Variants in TRIM39 observed in about 807,000 individuals in gnomAD.
TRIM39 encodes the protein E3 ubiquitin-protein ligase TRIM39.
TRIM39 carries 5 observed loss-of-function variants against 53.6 expected under a neutral mutation model. The observed-to-expected ratio is 0.09, with a 90% CI of 0.05 to 0.20. The LOEUF (loss-of-function observed/expected upper bound fraction) is 0.20, where lower values mean the gene tolerates loss of function less well. TRIM39 is among the 10% of genes least tolerant of loss of function. The pLI, the probability that TRIM39 is intolerant of heterozygous loss-of-function variation, is 1.00. For missense variants in TRIM39, 310 were observed against 621.0 expected (o/e 0.50, Z 5.32); for synonymous variants, 196 against 237.6 (o/e 0.82, Z 1.61).
At chr6:30,340,443 C>T in intron 6 of TRIM39, 62 bp from the exon 7 acceptor site, 5 of 1,609,904 alleles carry the variant, frequency 3.1e-6, no homozygotes, top group Non-Finnish European at 4.2e-6. Context: ...TCTGAATAGT[C>T]ACTTGGCTGG....
intron 5 of TRIM39, among the ~76,000 whole-genome samples, chr6:30,336,942 T>A (rs558320303): frequency 6.6e-6 from 1 of 152,346 alleles, no homozygotes; most frequent in East Asian, 1.9e-4. Flanking sequence ...CCAAATTACT[T>A]CTTGATCCAT....
chr6:30,341,802 G>A, exon 8 of TRIM39: 1 of 1,612,916 alleles, frequency 6.2e-7, no homozygotes, highest in Non-Finnish European at 8.5e-7. Context: ...ACAAGACTCC[G>A]GGATCTCCCT....
At chr6:30,336,555 TTAAAA>T (rs1034845145) in intron 5 of TRIM39, among the ~76,000 whole-genome samples, 4 of 152,248 alleles carry the variant, frequency 2.6e-5, no homozygotes, top group African/African-American at 4.8e-5. Flanking sequence ...TGGTAATTTC[TTAAAA>T]TAAGACAACG....
chr6:30,331,844 C>G, intron 4 of TRIM39, among the ~76,000 whole-genome samples: 1 of 152,208 alleles, frequency 6.6e-6, no homozygotes. Context: ...ATTTTGGTGT[C>G]TGTCTGTCTT....
At position 30,342,071 on chromosome 6, in the gene TRIM39, C is replaced by T; in HGVS notation, c.1279C>T (p.Arg427Trp). ...TTTGCACATCAAGGTGAAACCCAAG[C>T]GGGTAGGCATATTCCTAGACTATGA... Residue 427 changes from arginine (R) to tryptophan (W), a missense_variant, in exon 8 of 8, where the codon CGG (arginine) becomes TGG (tryptophan). By Grantham distance (101) the Arg-to-Trp change is moderately radical (BLOSUM62 -3). This residue lies in a region of TRIM39 where 75 missense variants were observed against 244.8 expected (regional missense o/e 0.31). Transcript: ENST00000396551. The surrounding 1 kb of genome is among the most constrained non-coding windows in gnomAD (Gnocchi z 4.7). The T allele has an allele frequency of 6.2e-7, 1 of 1,613,040 alleles. No individual in the cohort carries two copies. The highest frequency in any genetic ancestry group is 1.1e-5 in the South Asian group (1 of 91,080).
intron 4 of TRIM39, among the ~76,000 whole-genome samples, 169 bp downstream of exon 4, chr6:30,331,045 A>G (rs1175165260): frequency 3.3e-5 from 5 of 152,178 alleles, no homozygotes; most frequent in Non-Finnish European, 5.9e-5. Context: ...CAAGGTGGGC[A>G]GATTGCTTGA....
Position 30,330,674 on chromosome 6 carries a change from G to A in TRIM39, c.454-107G>A, listed in dbSNP as rs1356348706. ...AAGTCAGATCAAGAGGCAGTAAGAT[G>A]GCTAGGAAGCAAATAAATGGTTTAA... On this transcript the variant is annotated intron_variant, in intron 3 of 7. Coordinates refer to ENST00000396551, the Ensembl canonical transcript of TRIM39. The A allele has an allele frequency of 4.1e-6, 5 of 1,213,284 alleles. No individual in the cohort carries two copies. In the African/African-American group the frequency reaches 7.6e-5, roughly 18 times the overall value. 75.2% of individuals were successfully genotyped at this position (1,213,284 alleles called of 1,614,324 possible).
At chr6:30,332,751 T>C (rs2127393880) in intron 4 of TRIM39, among the ~76,000 whole-genome samples, 1 of 152,310 alleles carries the variant, frequency 6.6e-6, no homozygotes. Flanking sequence ...ACCTTCTAAA[T>C]GCTTGAACAG....
chr6:30,338,029 T>A lies in TRIM39; in HGVS notation c.781-1879T>A, dbSNP rs186007838. On this transcript the variant is annotated intron_variant, in intron 5 of 7. Transcript: ENST00000396551. The surrounding 1 kb of genome is among the most constrained non-coding windows in gnomAD (Gnocchi z 4.0). ...TTAAACTTTTCTTCTGCAGCTTCCT[T>A]ACCTCTCTCAGCTTTCATAGAACTG... 2.2e-4 allele frequency among the ~76,000 whole-genome samples: 34 copies of A among 152,334 alleles called. No individual in the cohort carries two copies. Among genetic ancestry groups the A allele is most frequent in the African/African-American group, 6.5e-4 (27 of 41,580 alleles).
exon 8 of TRIM39, chr6:30,343,350 A>G (rs994755800): frequency 7.9e-5 from 12 of 152,770 alleles, no homozygotes; most frequent in South Asian, 2.1e-4. Flanking sequence ...TCTGGCCTGG[A>G]ACTGGTGTTA....
chr6:30,342,419 G>T lies in TRIM39; in HGVS notation c.*160G>T. On this transcript the variant is annotated 3_prime_UTR_variant, in exon 8 of 8. Coordinates refer to ENST00000396551, the Ensembl canonical transcript of TRIM39. The surrounding 1 kb of genome is among the most constrained non-coding windows in gnomAD (Gnocchi z 4.7). ...AGGATGGTTTTGTGTGGAGGGGGAG[G>T]TAGGACTGGGCTGGATGAGAGAGCA... The T allele has an allele frequency of 2.8e-6, 2 of 723,946 alleles. No homozygotes were observed. Among genetic ancestry groups the T allele is most frequent in the Non-Finnish European group, 2.3e-6 (1 of 441,172 alleles). 44.8% of individuals were successfully genotyped at this position (723,946 alleles called of 1,614,324 possible). A position where few individuals can be genotyped will look rare whatever the true frequency, so the allele number is the denominator to read the frequency against.
At chr6:30,327,227 G>T (rs1785463595) in intron 1 of TRIM39, 1 of 152,650 alleles carries the variant, frequency 6.6e-6, no homozygotes, top group Admixed American at 6.5e-5. Flanking sequence ...TCACCTCCCC[G>T]GGTGAAACTC....
intron 7 of TRIM39, among the ~76,000 whole-genome samples, chr6:30,340,967 G>T (rs955921338): frequency 6.6e-6 from 1 of 152,106 alleles, no homozygotes. Flanking sequence ...TAGCACTTTG[G>T]GAGGCCAAGG....
In TRIM39 at chr6:30,342,275, G is replaced by A. The variant is rs1425739985; in HGVS notation, c.*16G>A. The A allele has an allele frequency of 1.2e-6, 2 of 1,609,996 alleles. No homozygotes were observed. Among genetic ancestry groups the A allele is most frequent in the Admixed American group, 1.7e-5 (1 of 59,926 alleles). On this transcript the variant is annotated 3_prime_UTR_variant, in exon 8 of 8. Coordinates refer to ENST00000396551, the Ensembl canonical transcript of TRIM39. This position sits in a 1 kb window ranked among gnomAD's most constrained non-coding sequence, Gnocchi z 4.7. The stretch of plus-strand genomic sequence containing the variant: ...TTGGGAGTGACAGGTTGGGATGTGG[G>A]AATGACTGGGGTGAGGCAGGGTCAA...
At chr6:30,327,408 C>G (rs1048011131) in intron 1 of TRIM39, 5 of 153,576 alleles carry the variant, frequency 3.3e-5, no homozygotes, top group African/African-American at 1.2e-4. Context: ...AGATGGAGAA[C>G]GGGGGTGGGA....
At chr6:30,331,659 C>G (rs1313463880) in intron 4 of TRIM39, among the ~76,000 whole-genome samples, 1 of 152,220 alleles carries the variant, frequency 6.6e-6, no homozygotes, top group Non-Finnish European at 1.5e-5. Flanking sequence ...AGTAAGCTTA[C>G]ATATGCTAGA....
intron 1 of TRIM39, chr6:30,327,197 T>G (rs1376052495): frequency 6.6e-6 from 1 of 152,632 alleles, no homozygotes; most frequent in Non-Finnish European, 1.5e-5. Flanking sequence ...TACCCCGCCG[T>G]TCCCCCGTCC....
At chr6:30,329,733 C>T (rs757209144) in exon 3 of TRIM39, 34 of 1,613,026 alleles carry the variant, frequency 2.1e-5, no homozygotes, top group Non-Finnish European at 2.9e-5. Context: ...CGGGCCCACA[C>T]CGTTGTGCCA....
At chr6:30,329,198 G>T in intron 2 of TRIM39, 113 bp from the exon 3 acceptor site, 1 of 1,229,492 alleles carries the variant, frequency 8.1e-7, no homozygotes, top group Non-Finnish European at 1.1e-6. Context: ...GGGCAAATCT[G>T]GAGTTAGGAC....
Sources: allele counts gnomAD v4.1 joint callset (sites outside exome capture counted in the v4.1 genomes callset), GRCh38; gene constraint gnomAD v4.1.1; regional missense constraint gnomAD v4.1.1; non-coding constraint Gnocchi (gnomAD v3.1); transcripts MANE v1.5; gene names NCBI Gene and HGNC (gene_info 2026-07-23, HGNC 2026-07-21).